ACSL6: variants seen among roughly 807,000 people sequenced by gnomAD.
The protein encoded by ACSL6 is acyl-CoA synthetase long chain family member 6.
In ACSL6, 47 loss-of-function variants were observed where a neutral mutation model predicts 98.2. The ratio of observed to expected loss-of-function variants is 0.48; its 90% CI spans 0.38 to 0.61. The LOEUF (loss-of-function observed/expected upper bound fraction) is 0.61. Ranked by LOEUF, ACSL6 falls within the 20% of genes least tolerant of loss-of-function variation. The probability of loss-of-function intolerance (pLI) is 0.00; values close to 1 mark genes in which losing one functional copy is unlikely to be tolerated. For missense variants in ACSL6, 761 were observed against 913.4 expected (o/e 0.83, Z 2.15); for synonymous variants, 362 against 336.9 (o/e 1.07, Z -0.82).
chr5:131,959,403 G>A (rs1355059278), intron 20 of ACSL6, 133 bp downstream of exon 20: 1 of 911,360 alleles, frequency 1.1e-6, no homozygotes, highest in Non-Finnish European at 1.7e-6. Flanking sequence ...GCCTTCAGGG[G>A]TCCATTGGTA....
intron 15 of ACSL6, among the ~76,000 whole-genome samples, chr5:131,968,980 G>A (rs559055900): frequency 1.3e-5 from 2 of 152,308 alleles, no homozygotes; most frequent in South Asian, 4.1e-4. Context: ...ACTTGAGAGG[G>A]AAGAGATACA....
At chr5:132,010,115 A>G (rs1213993347) in intron 1 of ACSL6, among the ~76,000 whole-genome samples, 1 of 152,242 alleles carries the variant, frequency 6.6e-6, no homozygotes, top group African/African-American at 2.4e-5. Flanking sequence ...GATGTGCCTC[A>G]GGACCAGAGT....
intron 18 of ACSL6, 87 bp from the exon 19 acceptor site, chr5:131,960,708 C>T: frequency 3.1e-6 from 3 of 979,716 alleles, no homozygotes; most frequent in Non-Finnish European, 4.5e-6. Flanking sequence ...TCTCAGACTC[C>T]ACCTTTTTCA....
chr5:131,976,807 AC>A, intron 9 of ACSL6, 86 bp from the exon 10 acceptor site: 1 of 1,099,934 alleles, frequency 9.1e-7, no homozygotes, highest in Non-Finnish European at 1.4e-6. Context: ...AGTCCCAGAC[AC>A]CCATGCTGTC....
intron 7 of ACSL6, 151 bp from the exon 8 acceptor site, chr5:131,987,005 C>T: frequency 1.3e-6 from 1 of 771,694 alleles, no homozygotes; most frequent in East Asian, 2.7e-5. Context: ...ACACACCACA[C>T]ACAAAATCAG....
At position 131,994,194 on chromosome 5, in the gene ACSL6, C is replaced by A. The variant is rs761782775; in HGVS notation, c.107G>T (p.Arg36Leu). The change falls in exon 2 of 21, where the codon CGA becomes CTA. Residue 36 changes from arginine (R) to leucine (L), a missense_variant. Transcript: ENST00000651883. ...MQTQEILRIL[R>L]LPELGDLGQF... ...TCCCAAGTCACCTAGCTCAGGCAGT[C>A]GCAGTATCCTCAGGATCTCCTGTGT... 6.2e-7 allele frequency: 1 copy of A among 1,613,996 alleles called. No individual in the cohort carries two copies. The highest frequency in any genetic ancestry group is 8.5e-7 in the Non-Finnish European group (1 of 1,180,016).
At chr5:131,983,594 G>A (rs1030209529) in intron 9 of ACSL6, 1 of 152,260 alleles carries the variant, frequency 6.6e-6, no homozygotes, top group African/African-American at 2.4e-5. Context: ...CCCGACAAGA[G>A]GATGAGTACA....
intron 7 of ACSL6, 38 bp from the exon 8 acceptor site, chr5:131,986,892 TTCTC>T (rs376758522): frequency 3.1e-6 from 5 of 1,606,782 alleles, no homozygotes; most frequent in African/African-American, 1.3e-5. Flanking sequence ...TGCTCAAAAG[TTCTC>T]TCTCTCTCTC....
intron 7 of ACSL6, among the ~76,000 whole-genome samples, 159 bp downstream of exon 7, chr5:131,987,889 C>T (rs1477133493): frequency 6.6e-6 from 1 of 152,180 alleles, no homozygotes; most frequent in Non-Finnish European, 1.5e-5. Context: ...CCCCACCACT[C>T]ACCACCAGCC....
intron 20 of ACSL6, among the ~76,000 whole-genome samples, chr5:131,956,587 C>G (rs1281672629): frequency 2.0e-5 from 3 of 152,092 alleles, no homozygotes; most frequent in Non-Finnish European, 4.4e-5. Flanking sequence ...ATGAAAATAC[C>G]TATACAACCT....
chr5:131,954,255 C>T lies in ACSL6; in HGVS notation c.2148G>A (p.Glu716=). ...AACTTCACATGGAGATTGAGTAAAG[C>T]TCTTCTATTTGTTTTTTGAAGTACT... ...LREYFKKQIE[E]LYSISM The change falls in exon 21 of 21, where the codon GAG becomes GAA. Residue 716 remains glutamate (E), a synonymous_variant. Transcript: ENST00000651883. 6.2e-7 allele frequency: 1 copy of T among 1,613,294 alleles called. No individual in the cohort carries two copies. Among genetic ancestry groups the T allele is most frequent in the Non-Finnish European group, 8.5e-7 (1 of 1,179,738 alleles).
intron 7 of ACSL6, 147 bp from the exon 8 acceptor site, chr5:131,987,001 C>A (rs200239697): frequency 6.5e-6 from 5 of 772,510 alleles, no homozygotes; most frequent in Admixed American, 6.5e-5. Flanking sequence ...ACACACACAC[C>A]ACACACAAAA....
intron 13 of ACSL6, among the ~76,000 whole-genome samples, chr5:131,971,865 T>A (rs542482027): frequency 1.3e-5 from 2 of 152,346 alleles, no homozygotes; most frequent in East Asian, 3.9e-4. Flanking sequence ...ATCCACCATA[T>A]GACCAATTCT....
At chr5:131,991,091 G>A (rs1444483020) in intron 2 of ACSL6, 124 bp from the exon 3 acceptor site, 11 of 755,014 alleles carry the variant, frequency 1.5e-5, no homozygotes, top group Middle Eastern at 3.0e-4. Flanking sequence ...TTAGCACCGT[G>A]GCATCTGTGT....
At chr5:131,991,141 C>T (rs1561803146) in intron 2 of ACSL6, among the ~76,000 whole-genome samples, 174 bp from the exon 3 acceptor site, 1 of 152,214 alleles carries the variant, frequency 6.6e-6, no homozygotes. Context: ...GGACTGTATA[C>T]ACTCAACCTG....
In ACSL6 at chr5:131,989,583, CTTTTTTTTTTTTTTTTT is replaced by C. The variant is rs57391438; in HGVS notation, c.451-92_451-76del. 217 of 180,628 alleles carry C rather than the reference CTTTTTTTTTTTTTTTTT, an allele frequency of 1.2e-3. 2 individuals carry two copies. Among genetic ancestry groups the C allele is most frequent in the Non-Finnish European group, 2.0e-3 (203 of 103,220 alleles). 11.2% of individuals were successfully genotyped at this position (180,628 alleles called of 1,614,324 possible). A position where few individuals can be genotyped will look rare whatever the true frequency, so the allele number is the denominator to read the frequency against. On this transcript the variant is annotated intron_variant, in intron 4 of 20. Coordinates refer to ENST00000651883, the MANE Select transcript of ACSL6 (RefSeq NM_001009185.3). ...GGGAAGGAGATCCCCAGGAGGAATT[CTTTTTTTTTTTTTTTTT>C]TTTTTTTTTTTTTGAGATGGAGTCT...
chr5:131,964,450 C>G (rs569494913), intron 17 of ACSL6, among the ~76,000 whole-genome samples: 88 of 152,302 alleles, frequency 5.8e-4, no homozygotes, highest in African/African-American at 1.9e-3. Flanking sequence ...CACAGACTAC[C>G]TGCCTGCAAC....
At chr5:131,965,830 T>A (rs982588745) in intron 17 of ACSL6, among the ~76,000 whole-genome samples, 1 of 152,068 alleles carries the variant, frequency 6.6e-6, no homozygotes, top group Admixed American at 6.6e-5. Flanking sequence ...TGAGGCAAAG[T>A]GGTTTTGGCT....
intron 20 of ACSL6, among the ~76,000 whole-genome samples, chr5:131,957,667 T>C (rs992386254): frequency 6.6e-6 from 1 of 152,260 alleles, no homozygotes; most frequent in Non-Finnish European, 1.5e-5. Flanking sequence ...TATGTGTGTG[T>C]TTAATTAGAG....
Sources: allele counts gnomAD v4.1 joint callset (sites outside exome capture counted in the v4.1 genomes callset), GRCh38; gene constraint gnomAD v4.1.1; transcripts MANE v1.5; gene names NCBI Gene and HGNC (gene_info 2026-07-23, HGNC 2026-07-21).